The following NIT2 variants were observed in gnomAD, a reference collection of about 807,000 sequenced individuals.
NIT2 encodes the protein nitrilase family member 2.
Under a neutral mutation model 42.7 loss-of-function variants are expected in NIT2, and 46 were observed. The ratio of observed to expected loss-of-function variants is 1.08; its 90% CI spans 0.85 to 1.38. The LOEUF (loss-of-function observed/expected upper bound fraction) is 1.38, where lower values mean the gene tolerates loss of function less well. NIT2 is among the 40% of genes most tolerant of loss of function. The pLI, the probability that NIT2 is intolerant of heterozygous loss-of-function variation, is 0.00. For missense variants in NIT2, 309 were observed against 342.5 expected (o/e 0.90, Z 0.77); for synonymous variants, 123 against 121.9 (o/e 1.01, Z -0.06).
At chr3:100,351,574 A>C (rs1449789080) in intron 7 of NIT2, among the ~76,000 whole-genome samples, 1 of 152,218 alleles carries the variant, frequency 6.6e-6, no homozygotes, top group East Asian at 1.9e-4. Context: ...CTGAAACTGG[A>C]TCCCTTCCTT....
rs1706344935 is a variant in NIT2 at position 100,358,511 on chromosome 3, A to C, written c.*3243A>C. The C allele has an allele frequency of 6.6e-6, 1 of 152,236 alleles. No individual in the cohort carries two copies. Among genetic ancestry groups the C allele is most frequent in the Non-Finnish European group, 1.5e-5 (1 of 68,038 alleles). 9.4% of individuals were successfully genotyped at this position (152,236 alleles called of 1,614,324 possible). A position where few individuals can be genotyped will look rare whatever the true frequency, so the allele number is the denominator to read the frequency against. On this transcript the variant is annotated 3_prime_UTR_variant, in exon 10 of 10. Coordinates refer to ENST00000394140, the MANE Select transcript of NIT2 (RefSeq NM_020202.5). ...GTAAGGCAACACATTTAATGAATTC[A>C]CATTTAAGTGAATTCCTCACAGGGA...
chr3:100,353,557 A>G (rs867716511), intron 8 of NIT2, among the ~76,000 whole-genome samples: 19 of 152,320 alleles, frequency 1.2e-4, no homozygotes, highest in Middle Eastern at 3.4e-3. Context: ...TTTGAATGCC[A>G]GGGCAAATGG....
chr3:100,351,013 A>G (rs1370434475), intron 7 of NIT2, among the ~76,000 whole-genome samples: 1 of 152,130 alleles, frequency 6.6e-6, no homozygotes, highest in East Asian at 1.9e-4. Context: ...AATTTCATCC[A>G]TGTCCCTACA....
Position 100,346,223 on chromosome 3 carries a change from T to G in NIT2, c.473T>G (p.Phe158Cys). ...VGLGICYDMR[F>C]AELAQIYAQR... ...CTGGGCATCTGCTACGACATGCGGT[T>G]TGCAGAGCTTGCACAAATCTACGCA... The change falls in exon 6 of 10, where the codon TTT becomes TGT. Residue 158 changes from phenylalanine (F) to cysteine (C), a missense_variant. Physicochemically the swap from Phe to Cys is radical, Grantham distance 205 (BLOSUM62 -2). Transcript: ENST00000394140. 6.2e-7 allele frequency: 1 copy of G among 1,614,154 alleles called. No individual in the cohort carries two copies. Among genetic ancestry groups the G allele is most frequent in the Non-Finnish European group, 8.5e-7 (1 of 1,180,000 alleles).
At chr3:100,353,248 C>T (rs1274454068) in intron 8 of NIT2, among the ~76,000 whole-genome samples, 1 of 152,224 alleles carries the variant, frequency 6.6e-6, no homozygotes, top group Non-Finnish European at 1.5e-5. Flanking sequence ...ATGTATTCCA[C>T]ACTAGTTCTC....
rs1338755941 is a variant in NIT2, at chr3:100,358,591, T to C, written c.*3323T>C. On this transcript the variant is annotated 3_prime_UTR_variant, in exon 10 of 10. Coordinates refer to ENST00000394140, the MANE Select transcript of NIT2 (RefSeq NM_020202.5). ...GTGCAGTTTGTGGTGAAAGTTCTAC[T>C]TGACTTTGACCTAGCTGTTTGAAGC... is the stretch of plus-strand genomic sequence containing the variant. 1.3e-5 allele frequency: 2 copies of C among 152,212 alleles called. No homozygotes were observed. Among genetic ancestry groups the C allele is most frequent in the Admixed American group, 6.5e-5 (1 of 15,278 alleles). 9.4% of individuals were successfully genotyped at this position (152,212 alleles called of 1,614,324 possible).
At position 100,341,089 on chromosome 3, in the gene NIT2, G is replaced by A. The variant is rs780301055; in HGVS notation, c.264G>A (p.Glu88=). ...IYLIGGSIPE[E]DAGKLYNTCA... Reference sequence around the variant, plus strand: ...CAATGAAAGGCTCTATCCCTGAAGAGGATGCTGGGAAATTATATAACACCT... The same window carrying A: ...CAATGAAAGGCTCTATCCCTGAAGAAGATGCTGGGAAATTATATAACACCT... The change falls in exon 4 of 10, where the codon GAG becomes GAA. Residue 88 remains glutamate, a synonymous_variant. Transcript: ENST00000394140. 6.2e-7 allele frequency: 1 copy of A among 1,612,142 alleles called. No individual in the cohort carries two copies. Among genetic ancestry groups the A allele is most frequent in the Non-Finnish European group, 8.5e-7 (1 of 1,178,376 alleles).
At chr3:100,352,530 C>T (rs1480978203) in intron 8 of NIT2, 28 bp downstream of exon 8, 6 of 1,574,866 alleles carry the variant, frequency 3.8e-6, no homozygotes, top group South Asian at 1.1e-5. Context: ...AGAATAGGCT[C>T]AGTCGGAGCT....
In NIT2 at chr3:100,348,831, T is replaced by C. The variant is rs1385456544; in HGVS notation, c.534T>C (p.Ala178=). The C allele has an allele frequency of 6.2e-7, 1 of 1,614,066 alleles. No individual in the cohort carries two copies. The highest frequency in any genetic ancestry group is 1.7e-5 in the Admixed American group (1 of 60,028). The change falls in exon 7 of 10, where the codon GCT becomes GCC. Residue 178 remains alanine, a synonymous_variant. Transcript: ENST00000394140. ...RGCQLLVYPG[A]FNLTTGPAHW... ...GCCAGCTGTTGGTATATCCAGGAGCTTTTAATCTGACCACTGGACCAGCCC... is the reference window on the plus strand; with the variant it reads ...GCCAGCTGTTGGTATATCCAGGAGCCTTTAATCTGACCACTGGACCAGCCC...
chr3:100,351,811 G>A (rs1002622671), intron 7 of NIT2, among the ~76,000 whole-genome samples: 50 of 152,232 alleles, frequency 3.3e-4, no homozygotes, highest in Non-Finnish European at 3.5e-4. Flanking sequence ...TACCATCAGA[G>A]TGAATAGGCA....
intron 8 of NIT2, among the ~76,000 whole-genome samples, chr3:100,354,429 T>G (rs1379623831): frequency 6.6e-6 from 1 of 152,242 alleles, no homozygotes; most frequent in Non-Finnish European, 1.5e-5. Context: ...GAGATGGAGC[T>G]TCCTGTTGGT....
chr3:100,351,414 G>A (rs1441050421), intron 7 of NIT2, among the ~76,000 whole-genome samples: 2 of 152,208 alleles, frequency 1.3e-5, no homozygotes, highest in East Asian at 3.9e-4. Context: ...CAGAGATATA[G>A]ATCAATGGAA....
At chr3:100,352,034 G>A (rs1274337970) in intron 7 of NIT2, among the ~76,000 whole-genome samples, 1 of 152,160 alleles carries the variant, frequency 6.6e-6, no homozygotes, top group Non-Finnish European at 1.5e-5. Flanking sequence ...GGCCATCAGA[G>A]AAATGCAAAT....
chr3:100,351,847 G>A (rs36117638), intron 7 of NIT2, among the ~76,000 whole-genome samples: 15,694 of 151,856 alleles, frequency 0.1, 1,177 homozygotes, highest in African/African-American at 0.2. Context: ...GAAAATTTTC[G>A]CAACCTACTC....
chr3:100,354,322 C>T (rs1314534873), intron 8 of NIT2, among the ~76,000 whole-genome samples: 2 of 152,356 alleles, frequency 1.3e-5, no homozygotes, highest in Non-Finnish European at 1.5e-5. Flanking sequence ...CCAGCTTCAC[C>T]ACTCTCAGGG....
intron 3 of NIT2, 163 bp downstream of exon 3, chr3:100,340,098 T>A: frequency 7.5e-4 from 352 of 466,444 alleles, no homozygotes; most frequent in Non-Finnish European, 1.1e-3. Flanking sequence ...TGAGGTGAGG[T>A]CTTGCTTTGT....
chr3:100,338,781 G>C (rs1303100050), intron 1 of NIT2, among the ~76,000 whole-genome samples: 2 of 152,134 alleles, frequency 1.3e-5, no homozygotes, highest in African/African-American at 4.8e-5. Context: ...GCCTGGCATG[G>C]GACTTTGCCC....
In NIT2 at chr3:100,359,333, C is replaced by T. The variant is rs552379899; in HGVS notation, c.*4065C>T. ...CATATTGAATCCTCCAAGTATATCC[C>T]GTTGTGCTAACTAGGCTTTAAGTCT... is the stretch of plus-strand genomic sequence containing the variant. On this transcript the variant is annotated 3_prime_UTR_variant, in exon 10 of 10. Transcript: ENST00000394140. 2 of 152,306 alleles carry T rather than the reference C, an allele frequency of 1.3e-5. No individual in the cohort carries two copies. The highest frequency in any genetic ancestry group is 1.9e-4 in the East Asian group (1 of 5,176). 9.4% of individuals were successfully genotyped at this position (152,306 alleles called of 1,614,324 possible).
At chr3:100,335,942 A>G (rs936538034) in intron 1 of NIT2, among the ~76,000 whole-genome samples, 3 of 152,252 alleles carry the variant, frequency 2.0e-5, no homozygotes, top group African/African-American at 4.8e-5. Context: ...ACGCTGGGAA[A>G]TGGAGGGGAG....
Sources: allele counts gnomAD v4.1 joint callset (sites outside exome capture counted in the v4.1 genomes callset), GRCh38; gene constraint gnomAD v4.1.1; transcripts MANE v1.5; gene names NCBI Gene and HGNC (gene_info 2026-07-23, HGNC 2026-07-21).